Variants in NRG3 observed in about 807,000 individuals in gnomAD.
NRG3 encodes pro-neuregulin-3, membrane-bound isoform.
In NRG3, 31 loss-of-function variants were observed where a neutral mutation model predicts 66.9. The observed-to-expected ratio is 0.46, with a 90% CI of 0.35 to 0.63. The LOEUF (loss-of-function observed/expected upper bound fraction) is 0.63, where lower values mean the gene tolerates loss of function less well. NRG3 is among the 20% of genes least tolerant of loss of function. The pLI is 0.00. For missense variants in NRG3, 910 were observed against 878.9 expected, an observed-to-expected ratio of 1.04 and a Z score of -0.45; for synonymous variants, 393 against 359.4, an observed-to-expected ratio of 1.09 and a Z score of -1.06.
chr10:82,853,481 G>A (rs1045911627), intron 3 of NRG3, among the ~76,000 whole-genome samples: 1 of 152,086 alleles, frequency 6.6e-6, no homozygotes, highest in Non-Finnish European at 1.5e-5. Context: ...GCAGTGTTTT[G>A]TAGTTTTCCT....
chr10:82,021,960 A>T (rs1191609408), intron 1 of NRG3, among the ~76,000 whole-genome samples: 1 of 151,724 alleles, frequency 6.6e-6, no homozygotes, highest in Non-Finnish European at 1.5e-5. Flanking sequence ...GTATACACTT[A>T]GAAATTTGGA....
At chr10:82,522,446 T>C (rs1334362125) in intron 2 of NRG3, among the ~76,000 whole-genome samples, 11 of 152,126 alleles carry the variant, frequency 7.2e-5, no homozygotes. Flanking sequence ...TGGTTTGTGG[T>C]ACCCCAAAAC....
At chr10:82,707,018 A>ATATAT (rs2056344007) in intron 2 of NRG3, among the ~76,000 whole-genome samples, 183 of 141,306 alleles carry the variant, frequency 1.3e-3, no homozygotes, top group African/African-American at 4.6e-3. Flanking sequence ...AAATAAAATA[A>ATATAT]ATATATATAT....
intron 1 of NRG3, among the ~76,000 whole-genome samples, chr10:82,070,764 G>T (rs902877514): frequency 6.6e-6 from 1 of 152,120 alleles, no homozygotes; most frequent in Non-Finnish European, 1.5e-5. Context: ...TCTTGTTGGT[G>T]TTCAAAGCCA....
intron 1 of NRG3, among the ~76,000 whole-genome samples, chr10:82,245,168 GTGGGGGA>G (rs2077179664): frequency 6.6e-6 from 1 of 152,186 alleles, no homozygotes; most frequent in South Asian, 2.1e-4. Context: ...GGTTCCATCT[GTGGGGGA>G]TGGGAGGCAG....
At chr10:82,608,594 TATG>T (rs1219637433) in intron 2 of NRG3, among the ~76,000 whole-genome samples, 1 of 152,216 alleles carries the variant, frequency 6.6e-6, no homozygotes, top group Non-Finnish European at 1.5e-5. Context: ...TTTATAACCC[TATG>T]GTTAGTTACC....
chr10:82,143,899 G>A (rs1248323308), intron 1 of NRG3, among the ~76,000 whole-genome samples: 1 of 151,924 alleles, frequency 6.6e-6, no homozygotes, highest in East Asian at 1.9e-4. Flanking sequence ...GCATGGTGGT[G>A]CACACCCGTA....
At chr10:82,173,462 G>T (rs1318015090) in intron 1 of NRG3, among the ~76,000 whole-genome samples, 1 of 151,992 alleles carries the variant, frequency 6.6e-6, no homozygotes, top group East Asian at 1.9e-4. Flanking sequence ...CAAAAATGCA[G>T]TTGTCACATG....
intron 6 of NRG3, among the ~76,000 whole-genome samples, chr10:82,961,559 A>G (rs1455944195): frequency 4.5e-4 from 68 of 152,222 alleles, no homozygotes; most frequent in Admixed American, 4.4e-3. Flanking sequence ...ACAGAAGGCA[A>G]TTTGCCCACC....
intron 1 of NRG3, among the ~76,000 whole-genome samples, chr10:82,003,245 A>T (rs1408113368): frequency 2.0e-5 from 3 of 152,166 alleles, no homozygotes; most frequent in Non-Finnish European, 4.4e-5. Context: ...GAGTTTGGAA[A>T]TATTATGTTT....
At chr10:82,343,306 A>G (rs556542985) in intron 1 of NRG3, among the ~76,000 whole-genome samples, 2 of 152,286 alleles carry the variant, frequency 1.3e-5, no homozygotes, top group East Asian at 3.9e-4. Context: ...AATCCTATTT[A>G]CAATCGTTAC....
At chr10:82,095,958 T>C (rs886401769) in intron 1 of NRG3, among the ~76,000 whole-genome samples, 6 of 152,142 alleles carry the variant, frequency 3.9e-5, no homozygotes, top group African/African-American at 1.2e-4. Flanking sequence ...AAGTCTCATA[T>C]GCAAATAAGT....
At chr10:82,397,824 C>T (rs2086807928) in intron 2 of NRG3, among the ~76,000 whole-genome samples, 1 of 152,084 alleles carries the variant, frequency 6.6e-6, no homozygotes, top group Non-Finnish European at 1.5e-5. Flanking sequence ...ATCTTTCAGA[C>T]GTTTAATGAG....
chr10:82,613,995 CG>C (rs1441132635), intron 2 of NRG3, among the ~76,000 whole-genome samples: 5 of 151,864 alleles, frequency 3.3e-5, no homozygotes. Context: ...CTCTGCCTTC[CG>C]GGTTCAAGCA....
intron 2 of NRG3, among the ~76,000 whole-genome samples, chr10:82,450,570 C>A (rs1484992089): frequency 4.6e-5 from 7 of 152,124 alleles, no homozygotes; most frequent in Non-Finnish European, 1.5e-5. Context: ...TTGAAAGCAT[C>A]CCTCAAATCT....
intron 1 of NRG3, among the ~76,000 whole-genome samples, chr10:81,949,414 TAC>T (rs1849134319): frequency 6.6e-6 from 1 of 152,124 alleles, no homozygotes; most frequent in African/African-American, 2.4e-5. Context: ...CTGTAAAATC[TAC>T]AGTGATGCAA....
intron 1 of NRG3, among the ~76,000 whole-genome samples, chr10:82,111,379 C>T (rs1281378827): frequency 2.6e-5 from 4 of 152,158 alleles, no homozygotes; most frequent in Admixed American, 6.5e-5. Flanking sequence ...GATGATAGAT[C>T]ATACATTATA....
intron 3 of NRG3, among the ~76,000 whole-genome samples, chr10:82,810,853 AC>A (rs1344037717): frequency 1.3e-5 from 2 of 152,046 alleles, no homozygotes; most frequent in Non-Finnish European, 2.9e-5. Flanking sequence ...AGATATTAAT[AC>A]TTAAAAGCCA....
chr10:82,907,367 G>T (rs1441213429), intron 4 of NRG3, among the ~76,000 whole-genome samples: 3 of 151,976 alleles, frequency 2.0e-5, no homozygotes, highest in Admixed American at 6.6e-5. Context: ...TAATTTTCTG[G>T]AATATATCAT....
Sources: gnomAD v4.1 joint callset for allele counts (sites outside exome capture counted in the v4.1 genomes callset) on GRCh38, gnomAD v4.1.1 for gene constraint, MANE v1.5 for transcripts, NCBI Gene and HGNC (gene_info 2026-07-23, HGNC 2026-07-21) for gene names.